Variants in EPHA3 observed in about 807,000 individuals in gnomAD.
EPHA3 encodes EPH receptor A3.
In EPHA3, 42 loss-of-function variants were observed where a neutral mutation model predicts 107.1. The ratio of observed to expected loss-of-function variants is 0.39; its 90% CI spans 0.31 to 0.51. The LOEUF is 0.51. Among genes scored for constraint, EPHA3 ranks in the 20% least tolerant of loss-of-function variants. EPHA3 has a pLI of 0.78. For synonymous variants in EPHA3, 461 were observed against 424.8 expected (o/e 1.09, Z -1.05); for missense variants, 1,183 against 1,211.2 (o/e 0.98, Z 0.35).
chr3:89,460,641 C>A (rs1449342641), intron 15 of EPHA3, among the ~76,000 whole-genome samples: 7 of 148,296 alleles, frequency 4.7e-5, no homozygotes, highest in Admixed American at 3.4e-4. Context: ...GCTGTTTTGA[C>A]AAATACCATA....
At chr3:89,155,883 G>C (rs1297223055) in intron 2 of EPHA3, among the ~76,000 whole-genome samples, 2 of 151,948 alleles carry the variant, frequency 1.3e-5, no homozygotes, top group Admixed American at 6.6e-5. Context: ...GAACCAAGTC[G>C]TACTGCAGTG....
At chr3:89,422,192 A>AACACACACAC (rs56370135) in intron 11 of EPHA3, among the ~76,000 whole-genome samples, 23 of 140,492 alleles carry the variant, frequency 1.6e-4, no homozygotes, top group African/African-American at 3.9e-4. Context: ...TGTTGTATTT[A>AACACACACAC]ACACACACAC....
chr3:89,468,945 A>G (rs913935746), intron 15 of EPHA3, among the ~76,000 whole-genome samples: 1 of 152,194 alleles, frequency 6.6e-6, no homozygotes, highest in African/African-American at 2.4e-5. Flanking sequence ...GAGTAATTTA[A>G]AAAATCATAA....
At chr3:89,363,848 T>C (rs1004094404) in intron 5 of EPHA3, among the ~76,000 whole-genome samples, 2 of 150,922 alleles carry the variant, frequency 1.3e-5, no homozygotes, top group Non-Finnish European at 3.0e-5. Flanking sequence ...ATCTTCATTC[T>C]TCCTTGAGAG....
At chr3:89,189,506 T>C (rs947941776) in intron 2 of EPHA3, among the ~76,000 whole-genome samples, 5 of 152,140 alleles carry the variant, frequency 3.3e-5, no homozygotes, top group Admixed American at 2.0e-4. Context: ...GGCAGGAGAA[T>C]TGCTTGAACC....
intron 12 of EPHA3, among the ~76,000 whole-genome samples, chr3:89,429,581 A>T (rs889829021): frequency 2.3e-4 from 35 of 152,170 alleles, no homozygotes; most frequent in Admixed American, 2.2e-3. Flanking sequence ...GCTGTCAGAA[A>T]ATAAGCATGT....
intron 5 of EPHA3, among the ~76,000 whole-genome samples, chr3:89,390,436 C>T (rs537236057): frequency 2.8e-4 from 42 of 151,608 alleles, no homozygotes; most frequent in Admixed American, 2.1e-3. Flanking sequence ...CCATCTCTAC[C>T]AAAAATACAA....
intron 5 of EPHA3, among the ~76,000 whole-genome samples, chr3:89,381,204 C>T (rs1708498765): frequency 6.6e-6 from 1 of 151,060 alleles, no homozygotes; most frequent in South Asian, 2.1e-4. Flanking sequence ...GATCTCCTGA[C>T]CTCGTGATCC....
chr3:89,304,808 A>G (rs1169714159), intron 3 of EPHA3, among the ~76,000 whole-genome samples: 1 of 152,108 alleles, frequency 6.6e-6, no homozygotes, highest in Non-Finnish European at 1.5e-5. Context: ...GCATACTACA[A>G]CATAAACTCC....
intron 13 of EPHA3, among the ~76,000 whole-genome samples, chr3:89,446,341 G>C (rs993402275): frequency 6.6e-6 from 1 of 152,088 alleles, no homozygotes; most frequent in African/African-American, 2.4e-5. Flanking sequence ...ATTTACAACA[G>C]AGCAAAAGAG....
intron 3 of EPHA3, among the ~76,000 whole-genome samples, chr3:89,334,656 G>A (rs1707356699): frequency 1.3e-5 from 2 of 152,282 alleles, no homozygotes; most frequent in South Asian, 4.1e-4. Context: ...GATATAGGGT[G>A]CACAAAATGA....
intron 2 of EPHA3, among the ~76,000 whole-genome samples, chr3:89,178,383 T>C (rs1705363626): frequency 6.6e-6 from 1 of 152,124 alleles, no homozygotes; most frequent in Admixed American, 6.6e-5. Flanking sequence ...GAAATGCTGT[T>C]AGCATACGTA....
At chr3:89,377,159 TG>T (rs747570551) in intron 5 of EPHA3, among the ~76,000 whole-genome samples, 91 of 152,234 alleles carry the variant, frequency 6.0e-4, no homozygotes, top group Admixed American at 3.5e-3. Context: ...TGTCCCATTG[TG>T]TTACTAAAAT....
chr3:89,430,810 T>C (rs1245282791), intron 12 of EPHA3, among the ~76,000 whole-genome samples: 1 of 152,144 alleles, frequency 6.6e-6, no homozygotes, highest in African/African-American at 2.4e-5. Context: ...CAACCTAAAC[T>C]AGCCACAAGA....
chr3:89,472,701 G>A, intron 16 of EPHA3, 82 bp downstream of exon 16: 3 of 1,421,748 alleles, frequency 2.1e-6, no homozygotes, highest in Non-Finnish European at 2.8e-6. Flanking sequence ...GTAACATCTT[G>A]GCTTGACATG....
At chr3:89,340,290 C>T (rs1480293553) in intron 3 of EPHA3, among the ~76,000 whole-genome samples, 4 of 152,078 alleles carry the variant, frequency 2.6e-5, no homozygotes, top group Non-Finnish European at 5.9e-5. Context: ...AACTGTATAT[C>T]CCTCTGTATT....
At position 89,256,300 on chromosome 3, in the gene EPHA3, G is replaced by C. The variant is rs2107271736; in HGVS notation, c.814+45780G>C. Reference sequence around the variant, plus strand: ...TGGTGGCTCACGCCTGTAATTCCCAGCACTTTGGGAAGCTGAGGCAGGCAG... The same window carrying C: ...TGGTGGCTCACGCCTGTAATTCCCACCACTTTGGGAAGCTGAGGCAGGCAG... On this transcript the variant is annotated intron_variant, in intron 3 of 16. Coordinates refer to ENST00000336596, the MANE Select transcript of EPHA3 (RefSeq NM_005233.6). 3.9e-5 allele frequency among the ~76,000 whole-genome samples: 6 copies of C among 152,132 alleles called. No individual in the cohort carries two copies. The Middle Eastern group carries it at 0.02, about 517-fold the overall frequency.
At chr3:89,226,686 T>C (rs184977602) in intron 3 of EPHA3, among the ~76,000 whole-genome samples, 1 of 152,192 alleles carries the variant, frequency 6.6e-6, no homozygotes, top group East Asian at 1.9e-4. Context: ...TCTAACATGG[T>C]TCAGGATTGT....
intron 3 of EPHA3, among the ~76,000 whole-genome samples, chr3:89,221,063 T>C (rs1003842111): frequency 6.6e-6 from 1 of 152,172 alleles, no homozygotes; most frequent in Non-Finnish European, 1.5e-5. Context: ...ATGGTAAAAC[T>C]GGAATTTGAA....
Sources: allele counts gnomAD v4.1 joint callset (sites outside exome capture counted in the v4.1 genomes callset), GRCh38; gene constraint gnomAD v4.1.1; transcripts MANE v1.5; gene names NCBI Gene and HGNC (gene_info 2026-07-23, HGNC 2026-07-21).